The following L3MBTL4 variants were observed in gnomAD, a reference collection of about 807,000 sequenced individuals.
The protein encoded by L3MBTL4 is lethal(3)malignant brain tumor-like protein 4.
L3MBTL4 carries 70 observed loss-of-function variants against 84.5 expected under a neutral mutation model. That is an observed-to-expected ratio of 0.83 (90% confidence interval 0.68 to 1.01). The LOEUF (loss-of-function observed/expected upper bound fraction) is 1.01. Among genes scored for constraint, L3MBTL4 ranks in the 50% least tolerant of loss-of-function variants. The pLI is 0.00. For synonymous variants in L3MBTL4, 274 were observed against 259.8 expected (o/e 1.05, Z -0.52); for missense variants, 715 against 754.8 (o/e 0.95, Z 0.62).
intron 1 of L3MBTL4, among the ~76,000 whole-genome samples, chr18:6,383,598 C>T (rs930740118): frequency 2.0e-5 from 3 of 152,114 alleles, no homozygotes; most frequent in South Asian, 4.1e-4. Flanking sequence ...CTGGGTGAGG[C>T]GACGCCCTGC....
chr18:6,343,806 T>C (rs1017893746), intron 1 of L3MBTL4, among the ~76,000 whole-genome samples: 2 of 151,862 alleles, frequency 1.3e-5, no homozygotes, highest in Non-Finnish European at 2.9e-5. Flanking sequence ...GAATAACCAA[T>C]TGGTCAAATA....
At chr18:6,158,014 T>C (rs142787228) in intron 13 of L3MBTL4, among the ~76,000 whole-genome samples, 359 of 152,306 alleles carry the variant, frequency 2.4e-3, no homozygotes, top group Non-Finnish European at 3.5e-3. Flanking sequence ...CCATAGCTAC[T>C]ACTCAAGAAC....
intron 13 of L3MBTL4, among the ~76,000 whole-genome samples, chr18:6,163,470 T>C (rs1323952222): frequency 4.6e-5 from 7 of 152,120 alleles, no homozygotes. Flanking sequence ...AAACAACCTA[T>C]AATAAGCTAT....
chr18:6,122,438 G>T (rs1403374059), intron 14 of L3MBTL4, among the ~76,000 whole-genome samples: 1 of 152,198 alleles, frequency 6.6e-6, no homozygotes, highest in East Asian at 1.9e-4. Flanking sequence ...CTGGGAGCAG[G>T]TCTTTGCCAT....
chr18:6,093,426 T>C lies in L3MBTL4; in HGVS notation c.1302A>G (p.Ser434=). ...QTQANLESDS[S]HSKSKSLCSL... ...TACAGAGGCTTTTTGATTTTGAATG[T>C]GAAGAGTCTGATTCCAAATTTGCCT... is the stretch of plus-strand genomic sequence containing the variant. The change falls in exon 15 of 19, where the codon TCA becomes TCG. Residue 434 remains serine, a synonymous_variant. Transcript: ENST00000317931. 1.1e-5 allele frequency: 18 copies of C among 1,614,022 alleles called. 2 individuals carry two copies. In the Middle Eastern group the frequency reaches 3.0e-3, roughly 266 times the overall value.
intron 13 of L3MBTL4, among the ~76,000 whole-genome samples, chr18:6,139,405 G>T (rs2060127883): frequency 6.6e-6 from 1 of 151,990 alleles, no homozygotes. Flanking sequence ...AAGCCCAAGA[G>T]GCAGTCTACA....
intron 1 of L3MBTL4, among the ~76,000 whole-genome samples, chr18:6,314,470 C>T (rs35281305): frequency 0.081 from 12,389 of 152,186 alleles, 668 homozygotes; most frequent in Non-Finnish European, 0.12. Context: ...AATGCCCGAG[C>T]ACCACCTACC....
At chr18:6,295,346 C>CTCTCTCTCTCTCTCTCTCTATATATA (rs1261475809) in intron 4 of L3MBTL4, among the ~76,000 whole-genome samples, 1 of 81,382 alleles carries the variant, frequency 1.2e-5, no homozygotes, top group African/African-American at 6.6e-5. Context: ...CTCTCTCTCT[C>CTCTCTCTCTCTCTCTCTCTATATATA]TATATATATA....
rs570927929 is a variant in L3MBTL4 at position 6,133,824 on chromosome 18, G to A, written c.1199+4370C>T. 2.0e-5 allele frequency among the ~76,000 whole-genome samples: 3 copies of A among 152,252 alleles called. No homozygotes were observed. In the South Asian group the frequency reaches 6.2e-4, roughly 32 times the overall value. ...CTTCCTGATAAGATCTCAGGAGTTG[G>A]GTGAGTGGGCCCCAGCCTGTTCACT... On this transcript the variant is annotated intron_variant, in intron 14 of 18. Transcript: ENST00000317931.
At chr18:6,281,112 A>G (rs1473407030) in intron 4 of L3MBTL4, among the ~76,000 whole-genome samples, 1 of 152,222 alleles carries the variant, frequency 6.6e-6, no homozygotes, top group Non-Finnish European at 1.5e-5. Context: ...ACCACCAAAA[A>G]GTTTCCAAAT....
intron 4 of L3MBTL4, among the ~76,000 whole-genome samples, chr18:6,289,433 C>T (rs1249545314): frequency 6.6e-6 from 1 of 152,206 alleles, no homozygotes; most frequent in East Asian, 1.9e-4. Flanking sequence ...ATCTTCTAAA[C>T]TGCGCAATTC....
chr18:6,386,911 A>T (rs902861487), intron 1 of L3MBTL4, among the ~76,000 whole-genome samples: 2 of 152,176 alleles, frequency 1.3e-5, no homozygotes, highest in Non-Finnish European at 2.9e-5. Flanking sequence ...AAGGAACCCT[A>T]TGGAAGGCAA....
intron 1 of L3MBTL4, among the ~76,000 whole-genome samples, chr18:6,400,491 C>T (rs1007169592): frequency 4.6e-5 from 7 of 152,170 alleles, no homozygotes; most frequent in African/African-American, 1.7e-4. Flanking sequence ...CTCACTGTAG[C>T]CTCAACCTCC....
chr18:6,052,236 A>G (rs573785467), intron 16 of L3MBTL4, among the ~76,000 whole-genome samples: 1 of 152,322 alleles, frequency 6.6e-6, no homozygotes, highest in African/African-American at 2.4e-5. Context: ...ATACATAGCT[A>G]CTGATAGCAT....
At chr18:6,139,341 C>T (rs58814131) in intron 13 of L3MBTL4, among the ~76,000 whole-genome samples, 362 of 152,100 alleles carry the variant, frequency 2.4e-3, no homozygotes, top group African/African-American at 8.2e-3. Context: ...TACTATATAC[C>T]GTACTGTACT....
chr18:6,219,490 CTCATTCTTT>C (rs2046460802), intron 10 of L3MBTL4, among the ~76,000 whole-genome samples: 1 of 141,424 alleles, frequency 7.1e-6, no homozygotes, highest in South Asian at 2.3e-4. Flanking sequence ...CAGCTTGGAC[CTCATTCTTT>C]AGGTCCAAGC....
At chr18:6,165,536 TA>T (rs201121265) in intron 13 of L3MBTL4, among the ~76,000 whole-genome samples, 2 of 151,968 alleles carry the variant, frequency 1.3e-5, no homozygotes, top group Admixed American at 1.3e-4. Context: ...TCAACATTCT[TA>T]AAAAAAGAAT....
chr18:6,023,929 G>A (rs948226), intron 16 of L3MBTL4, among the ~76,000 whole-genome samples: 5,420 of 152,194 alleles, frequency 0.036, 324 homozygotes, highest in African/African-American at 0.12. Context: ...TAGCTATTAC[G>A]CTTTTTACAA....
At chr18:6,239,006 G>A (rs978666656) in intron 9 of L3MBTL4, among the ~76,000 whole-genome samples, 17 of 151,692 alleles carry the variant, frequency 1.1e-4, no homozygotes, top group Non-Finnish European at 1.5e-4. Context: ...ATAGGCTTTC[G>A]AAGAATTCAC....
Sources: gnomAD v4.1 joint callset for allele counts (sites outside exome capture counted in the v4.1 genomes callset) on GRCh38, gnomAD v4.1.1 for gene constraint, MANE v1.5 for transcripts, NCBI Gene and HGNC (gene_info 2026-07-23, HGNC 2026-07-21) for gene names.